LRCH1: variants seen among roughly 807,000 people sequenced by gnomAD.
LRCH1 encodes leucine rich repeats and calponin homology domain containing 1.
Under a neutral mutation model 94.9 loss-of-function variants are expected in LRCH1, and 23 were observed. That is an observed-to-expected ratio of 0.24 (90% CI 0.17 to 0.34). LRCH1 has a LOEUF of 0.34. Among genes scored for constraint, LRCH1 ranks in the 10% least tolerant of loss-of-function variants. The pLI, the probability that LRCH1 is intolerant of heterozygous loss-of-function variation, is 1.00. For missense variants in LRCH1, 790 were observed against 945.9 expected, an observed-to-expected ratio of 0.84 and a Z score of 2.16; for synonymous variants, 364 against 354.9, an observed-to-expected ratio of 1.03 and a Z score of -0.29.
At chr13:46,588,451 A>G (rs920853718) in intron 1 of LRCH1, among the ~76,000 whole-genome samples, 1 of 152,156 alleles carries the variant, frequency 6.6e-6, no homozygotes, top group Admixed American at 6.5e-5. Context: ...GTCTTAGTAG[A>G]ATTTCATCCC....
Position 46,743,021 on chromosome 13 carries a change from A to G in LRCH1, c.*1173A>G. The G allele has an allele frequency of 1.0e-6, 1 of 985,374 alleles. No individual in the cohort carries two copies. The highest frequency in any genetic ancestry group is 1.2e-6 in the Non-Finnish European group (1 of 829,894). The allele number at this position is 985,374 out of a possible 1,614,324, so 61.0% of individuals were successfully genotyped here. A position where few individuals can be genotyped will look rare whatever the true frequency, so the allele number is the denominator to read the frequency against. On this transcript the variant is annotated 3_prime_UTR_variant, in exon 20 of 20. Coordinates refer to ENST00000389797, the MANE Select transcript of LRCH1 (RefSeq NM_001164211.2). Reference sequence around the variant, plus strand: ...AAAAAAAGAATTTTATCTTAGCCAGAATGTCCCTGGATTCAGGGGTGTCTT... The same window carrying G: ...AAAAAAAGAATTTTATCTTAGCCAGGATGTCCCTGGATTCAGGGGTGTCTT...
At chr13:46,714,531 C>A (rs1191657604) in intron 15 of LRCH1, among the ~76,000 whole-genome samples, 1 of 152,070 alleles carries the variant, frequency 6.6e-6, no homozygotes, top group African/African-American at 2.4e-5. Context: ...TATGTGATTT[C>A]TGTGTTATAA....
chr13:46,668,987 G>A (rs1233786237), intron 2 of LRCH1, 43 bp from the exon 3 acceptor site: 2 of 1,609,630 alleles, frequency 1.2e-6, no homozygotes, highest in Non-Finnish European at 1.7e-6. Context: ...AGTATGAAGT[G>A]GCCTTTCTGT....
At chr13:46,746,439 G>T (rs970154204), downstream of LRCH1, among the ~76,000 whole-genome samples, 1 of 152,164 alleles carries the variant, frequency 6.6e-6, no homozygotes, top group African/African-American at 2.4e-5. Context: ...CATTGGAGAA[G>T]TAACTTGAAG....
At chr13:46,744,942 T>TCAGGAATA, downstream of LRCH1, 1 of 974,172 alleles carries the variant, frequency 1.0e-6, no homozygotes. Flanking sequence ...AGAGTCTAGT[T>TCAGGAATA]GCCTGGCTTT....
At chr13:46,668,708 C>T (rs1415772855) in intron 2 of LRCH1, among the ~76,000 whole-genome samples, 1 of 102,572 alleles carries the variant, frequency 9.7e-6, no homozygotes. Context: ...GCCGAGGGCT[C>T]AGCTTCTAAG....
At chr13:46,718,218 T>C (rs1228692261) in intron 16 of LRCH1, among the ~76,000 whole-genome samples, 6 of 152,252 alleles carry the variant, frequency 3.9e-5, no homozygotes, top group Non-Finnish European at 8.8e-5. Flanking sequence ...TGAAAATTAA[T>C]CTTTAAGTTA....
chr13:46,619,564 A>T (rs1157261209), intron 1 of LRCH1, among the ~76,000 whole-genome samples: 1 of 152,246 alleles, frequency 6.6e-6, no homozygotes, highest in Non-Finnish European at 1.5e-5. Context: ...AGAGGCAGAG[A>T]GAGATGGTAG....
At chr13:46,601,579 T>C (rs76059184) in intron 1 of LRCH1, among the ~76,000 whole-genome samples, 141 of 152,344 alleles carry the variant, frequency 9.3e-4, no homozygotes, top group African/African-American at 3.3e-3. Context: ...CTGAATTTTT[T>C]CATCAAATTC....
chr13:46,563,860 C>G (rs1223468496), intron 1 of LRCH1, among the ~76,000 whole-genome samples: 2 of 152,062 alleles, frequency 1.3e-5, no homozygotes, highest in Non-Finnish European at 1.5e-5. Context: ...GCAGTAGGTG[C>G]CAGAGCCAGG....
Position 46,553,530 on chromosome 13 carries a change from C to T in LRCH1, c.134C>T (p.Ala45Val), listed in dbSNP as rs1453638746. 8.4e-6 allele frequency: 13 copies of T among 1,546,076 alleles called. No homozygotes were observed. The highest frequency in any genetic ancestry group is 1.1e-5 in the Non-Finnish European group (13 of 1,144,522). The change falls in exon 1 of 20, where the codon GCG (alanine) becomes GTG (valine). Residue 45 changes from alanine to valine, a missense_variant. By Grantham distance (64) the Ala-to-Val change is moderately conservative. Around this residue, in one of 3 missense-constraint regions of LRCH1, gnomAD observed 136 missense variants for 143.5 expected, o/e 0.95. Coordinates refer to ENST00000389797, the MANE Select transcript of LRCH1 (RefSeq NM_001164211.2). Reference protein sequence around the residue: ...HHGGTGAPGGAGGGGGGSGGF... With the variant: ...HHGGTGAPGGVGGGGGGSGGF... ...GGAGGAACCGGCGCCCCCGGCGGGGCGGGTGGTGGCGGCGGTGGCAGCGGG... is the reference window on the plus strand; with the variant it reads ...GGAGGAACCGGCGCCCCCGGCGGGGTGGGTGGTGGCGGCGGTGGCAGCGGG...
At chr13:46,637,747 T>TA (rs898937754) in intron 1 of LRCH1, among the ~76,000 whole-genome samples, 16 of 152,260 alleles carry the variant, frequency 1.1e-4, no homozygotes, top group Middle Eastern at 3.4e-3. Flanking sequence ...TTCTAGCGCT[T>TA]ACCACCCTGT....
intron 3 of LRCH1, chr13:46,679,966 C>T (rs1423329629): frequency 3.3e-5 from 5 of 152,236 alleles, no homozygotes; most frequent in African/African-American, 4.8e-5. Flanking sequence ...AATGTGGAGC[C>T]TGGGGGTGTT....
At chr13:46,617,424 T>G (rs946116551) in intron 1 of LRCH1, among the ~76,000 whole-genome samples, 3 of 152,176 alleles carry the variant, frequency 2.0e-5, no homozygotes, top group African/African-American at 7.2e-5. Context: ...TGTGGTCCCT[T>G]CCAACAGTGT....
At chr13:46,734,076 A>G in intron 19 of LRCH1, 78 bp downstream of exon 19, 5 of 678,752 alleles carry the variant, frequency 7.4e-6, no homozygotes, top group Non-Finnish European at 1.2e-5. Flanking sequence ...CATTGAATCG[A>G]TGCAAAGCTT....
chr13:46,621,950 G>A (rs1315148196), intron 1 of LRCH1, among the ~76,000 whole-genome samples: 1 of 152,022 alleles, frequency 6.6e-6, no homozygotes, highest in African/African-American at 2.4e-5. Context: ...TTTAAAAGAC[G>A]GATAAGATAC....
chr13:46,741,912 C>T lies in LRCH1; in HGVS notation c.*64C>T. ...TCAACCTTTGCAGGGTCCTTCCTAC[C>T]TTTGAGCCTTTGCCTTGCAAACTTC... On this transcript the variant is annotated 3_prime_UTR_variant, in exon 20 of 20. Transcript: ENST00000389797. The T allele has an allele frequency of 6.2e-7, 1 of 1,600,706 alleles. No homozygotes were observed. Among genetic ancestry groups the T allele is most frequent in the Non-Finnish European group, 8.5e-7 (1 of 1,172,020 alleles).
At chr13:46,700,582 A>C (rs1871410695) in intron 10 of LRCH1, among the ~76,000 whole-genome samples, 1 of 152,184 alleles carries the variant, frequency 6.6e-6, no homozygotes. Context: ...AGCTTTATAA[A>C]ATGCTGAACT....
chr13:46,722,972 C>T (rs1872651750), intron 16 of LRCH1, among the ~76,000 whole-genome samples: 1 of 152,182 alleles, frequency 6.6e-6, no homozygotes, highest in South Asian at 2.1e-4. Flanking sequence ...TGACCCAGAC[C>T]TTGCCCTGGG....
Sources: gnomAD v4.1 joint callset for allele counts (sites outside exome capture counted in the v4.1 genomes callset) on GRCh38, gnomAD v4.1.1 for gene constraint, gnomAD v4.1.1 regional missense constraint, MANE v1.5 for transcripts, NCBI Gene and HGNC (gene_info 2026-07-23, HGNC 2026-07-21) for gene names.